Variants in GREB1L observed in about 807,000 individuals in gnomAD.
GREB1L encodes the protein GREB1-like protein.
In GREB1L, 17 loss-of-function variants were observed where a neutral mutation model predicts 200.8. That is an observed-to-expected ratio of 0.08 (90% CI 0.06 to 0.13). The LOEUF is 0.13. GREB1L is among the 10% of genes least tolerant of loss of function. The pLI is 1.00. For missense variants in GREB1L, 1,657 were observed against 2,367.7 expected (o/e 0.70, Z 6.23); for synonymous variants, 789 against 893.0 (o/e 0.88, Z 2.08).
intron 30 of GREB1L, 36 bp from the exon 31 acceptor site, chr18:21,517,998 A>C (rs1250697853): frequency 6.7e-7 from 1 of 1,502,080 alleles, no homozygotes; most frequent in East Asian, 2.5e-5. Context: ...CCAGTGACAG[A>C]CAAGTTTCCC....
chr18:21,522,617 A>G (rs1409019382), intron 32 of GREB1L, 41 bp from the exon 33 acceptor site: 9 of 1,444,036 alleles, frequency 6.2e-6, no homozygotes, highest in South Asian at 1.5e-5. Flanking sequence ...TATAAATTCA[A>G]TCCCTGAGCC....
intron 15 of GREB1L, among the ~76,000 whole-genome samples, chr18:21,455,410 G>A (rs569817133): frequency 5.3e-5 from 8 of 152,182 alleles, no homozygotes; most frequent in East Asian, 1.9e-4. Context: ...GGCCGGGGGC[G>A]GTGGCTCGCA....
chr18:21,414,188 A>G (rs2031384421), intron 7 of GREB1L, among the ~76,000 whole-genome samples: 1 of 152,202 alleles, frequency 6.6e-6, no homozygotes, highest in African/African-American at 2.4e-5. Flanking sequence ...CGTGACATAC[A>G]CACATGATGA....
At chr18:21,418,041 G>GTATT (rs1446632986) in intron 7 of GREB1L, among the ~76,000 whole-genome samples, 1 of 151,430 alleles carries the variant, frequency 6.6e-6, no homozygotes, top group African/African-American at 2.4e-5. Context: ...ATAGATAAAT[G>GTATT]TATTTAATTT....
Position 21,521,637 on chromosome 18 carries a change from A to G in GREB1L, c.5608+814A>G, listed in dbSNP as rs535379190. Among the ~76,000 whole-genome samples the G allele has an allele frequency of 6.6e-5, 10 of 152,076 alleles. No individual in the cohort carries two copies. The South Asian group carries it at 2.1e-3, about 32-fold the overall frequency. ...GAGACACTTCTGATTGTCGCACTGG[A>G]GGCTGCTGCTTGCTGGCATATAGTG... On this transcript the variant is annotated intron_variant, in intron 32 of 32. Transcript: ENST00000424526.
At chr18:21,287,793 CTT>C (rs534899512) in intron 1 of GREB1L, among the ~76,000 whole-genome samples, 35 of 133,220 alleles carry the variant, frequency 2.6e-4, no homozygotes, top group African/African-American at 2.5e-4. Context: ...AGTTTAAAAT[CTT>C]TTTTTTTTTT....
intron 1 of GREB1L, among the ~76,000 whole-genome samples, chr18:21,246,678 A>G (rs1173081691): frequency 6.6e-6 from 1 of 152,178 alleles, no homozygotes; most frequent in African/African-American, 2.4e-5. Context: ...TTTCAAACTA[A>G]TTGTAGTTTT....
At chr18:21,353,118 C>G (rs1337203179) in intron 1 of GREB1L, among the ~76,000 whole-genome samples, 1 of 151,008 alleles carries the variant, frequency 6.6e-6, no homozygotes, top group Non-Finnish European at 1.5e-5. Context: ...GGAAGCGGAA[C>G]TTGCAGTGAG....
intron 1 of GREB1L, among the ~76,000 whole-genome samples, chr18:21,257,755 G>T (rs1315440588): frequency 6.6e-6 from 1 of 152,114 alleles, no homozygotes; most frequent in African/African-American, 2.4e-5. Context: ...TGCCATAAAG[G>T]TCTTCTCTGC....
chr18:21,277,020 CTGGG>C (rs1302948163), intron 1 of GREB1L, among the ~76,000 whole-genome samples: 1 of 149,942 alleles, frequency 6.7e-6, no homozygotes, highest in Non-Finnish European at 1.5e-5. Flanking sequence ...GCTCCGCCTC[CTGGG>C]TTCACGCCAT....
chr18:21,426,969 A>ACC (rs1296412742), intron 7 of GREB1L, among the ~76,000 whole-genome samples: 2 of 81,202 alleles, frequency 2.5e-5, no homozygotes, highest in African/African-American at 2.7e-4. Context: ...AAAAAAAAAA[A>ACC]AAACAAAAAA....
intron 2 of GREB1L, among the ~76,000 whole-genome samples, chr18:21,370,455 GGTTTATTTGTCTGAGA>G (rs1199145378): frequency 6.6e-6 from 1 of 152,162 alleles, no homozygotes; most frequent in Admixed American, 6.5e-5. Flanking sequence ...AAGTGTGTTT[GGTTTATTTGTCTGAGA>G]GTCATACATT....
intron 2 of GREB1L, among the ~76,000 whole-genome samples, chr18:21,370,265 TC>T (rs1489488227): frequency 6.6e-6 from 1 of 151,926 alleles, no homozygotes; most frequent in African/African-American, 2.4e-5. Flanking sequence ...AAATTATATG[TC>T]CCCCAAAACT....
chr18:21,346,621 C>T (rs763526108), intron 1 of GREB1L, among the ~76,000 whole-genome samples: 1 of 152,118 alleles, frequency 6.6e-6, no homozygotes, highest in Non-Finnish European at 1.5e-5. Context: ...CTTTCCACAG[C>T]CCTTTCTCCT....
intron 1 of GREB1L, among the ~76,000 whole-genome samples, chr18:21,327,874 G>A (rs1243473185): frequency 6.6e-6 from 1 of 151,844 alleles, no homozygotes; most frequent in African/African-American, 2.4e-5. Flanking sequence ...CACCATGCCC[G>A]GTTAATTTTT....
chr18:21,415,021 C>T (rs1481686362), intron 7 of GREB1L, among the ~76,000 whole-genome samples: 1 of 152,034 alleles, frequency 6.6e-6, no homozygotes, highest in African/African-American at 2.4e-5. Flanking sequence ...AGTGGTAGAA[C>T]CCAGCAGACT....
intron 1 of GREB1L, among the ~76,000 whole-genome samples, chr18:21,288,735 C>CT (rs557869552): frequency 0.015 from 2,179 of 143,656 alleles, 40 homozygotes; most frequent in African/African-American, 0.049. Flanking sequence ...GGCTACCATC[C>CT]TTTTTTTTTT....
Position 21,251,635 on chromosome 18 carries a change from T to C in GREB1L, c.-120+9242T>C, listed in dbSNP as rs188242120. Among the ~76,000 whole-genome samples the C allele has an allele frequency of 2.4e-4, 37 of 152,260 alleles. No homozygotes were observed. The East Asian group carries it at 6.0e-3, about 25-fold the overall frequency. ...ATGATAGATTGGGGAAAAAAATCTG[T>C]ACCATATGCAAATAAAAGATTATCA... On this transcript the variant is annotated intron_variant, in intron 1 of 32. Transcript: ENST00000424526.
At chr18:21,520,095 CCTGG>C (rs2037560857) in intron 31 of GREB1L, among the ~76,000 whole-genome samples, 1 of 152,052 alleles carries the variant, frequency 6.6e-6, no homozygotes, top group Non-Finnish European at 1.5e-5. Flanking sequence ...CACCATCACG[CCTGG>C]CTAATTTTTT....
Sources: allele counts gnomAD v4.1 joint callset (sites outside exome capture counted in the v4.1 genomes callset), GRCh38; gene constraint gnomAD v4.1.1; transcripts MANE v1.5; gene names NCBI Gene and HGNC (gene_info 2026-07-23, HGNC 2026-07-21).